Variants in ADAM10 observed in about 807,000 individuals in gnomAD.
ADAM10 encodes the protein ADAM metallopeptidase domain 10, also known as disintegrin and metalloproteinase domain-containing protein 10.
In ADAM10, 17 loss-of-function variants were observed where a neutral mutation model predicts 90.1. The observed-to-expected ratio is 0.19, with a 90% CI of 0.13 to 0.28. ADAM10 has a LOEUF of 0.28. Ranked by LOEUF, ADAM10 falls within the 10% of genes least tolerant of loss-of-function variation. The pLI is 1.00. For missense variants in ADAM10, 610 were observed against 914.3 expected, an observed-to-expected ratio of 0.67 and a Z score of 4.29; for synonymous variants, 310 against 298.6, an observed-to-expected ratio of 1.04 and a Z score of -0.40.
In ADAM10 at chr15:58,643,850, A is replaced by G. The variant is rs777157534; in HGVS notation, c.828+36T>C. The G allele has an allele frequency of 3.5e-6, 5 of 1,448,330 alleles. No individual in the cohort carries two copies. In the East Asian group the frequency reaches 1.1e-4, roughly 33 times the overall value. The allele number at this position is 1,448,330 out of a possible 1,614,324, so 89.7% of individuals were successfully genotyped here. ...GTGTAAACATAGTCTGGACTGTTTC[A>G]CTTTTTAAGTGTTTTTAACTATTTA... is the stretch of plus-strand genomic sequence containing the variant. On this transcript the variant is annotated intron_variant, in intron 7 of 15. Coordinates refer to ENST00000260408, the MANE Select transcript of ADAM10 (RefSeq NM_001110.4).
Position 58,749,627 on chromosome 15 carries a change from C to A in ADAM10, c.-93G>T. On this transcript the variant is annotated 5_prime_UTR_variant, in exon 1 of 16. Transcript: ENST00000260408. ...GAAGCTGAAGGGGCTTGGTCCGGAG[C>A]CTCCACGGGAAGCCGGGACCTCCCC... 6.5e-7 allele frequency: 1 copy of A among 1,536,380 alleles called. No individual in the cohort carries two copies. Among genetic ancestry groups the A allele is most frequent in the Non-Finnish European group, 8.8e-7 (1 of 1,137,986 alleles).
chr15:58,652,815 AT>A (rs35998429), intron 5 of ADAM10, among the ~76,000 whole-genome samples: 42,964 of 152,050 alleles, frequency 0.28, 8,697 homozygotes, highest in African/African-American at 0.57. Context: ...GCCTTTTGTA[AT>A]TATGGACATT....
chr15:58,721,930 A>C (rs1436676042), intron 1 of ADAM10, among the ~76,000 whole-genome samples: 3 of 152,086 alleles, frequency 2.0e-5, no homozygotes, highest in African/African-American at 7.2e-5. Context: ...CGGGAGGCTG[A>C]GGCAGGAGAA....
chr15:58,729,382 T>C (rs1899147846), intron 1 of ADAM10, among the ~76,000 whole-genome samples: 1 of 152,166 alleles, frequency 6.6e-6, no homozygotes, highest in Non-Finnish European at 1.5e-5. Context: ...TCTTGTTAAT[T>C]CAAACTGTTT....
chr15:58,609,492 G>T (rs1309210544), intron 14 of ADAM10: 1 of 151,942 alleles, frequency 6.6e-6, no homozygotes, highest in Non-Finnish European at 1.5e-5. Flanking sequence ...GTGCTTTAAG[G>T]CATCCATAGT....
chr15:58,725,609 C>T (rs1299197769), intron 1 of ADAM10, among the ~76,000 whole-genome samples: 3 of 150,858 alleles, frequency 2.0e-5, no homozygotes, highest in Non-Finnish European at 3.0e-5. Flanking sequence ...AAGCTAATGA[C>T]TAAAAACTAG....
At chr15:58,694,091 G>T (rs1250966990) in intron 2 of ADAM10, among the ~76,000 whole-genome samples, 1 of 152,184 alleles carries the variant, frequency 6.6e-6, no homozygotes, top group Non-Finnish European at 1.5e-5. Flanking sequence ...ACACACTGCT[G>T]ATGGGAATGG....
Position 58,591,157 on chromosome 15 carries a change from G to C in ADAM10, c.*6390C>G, listed in dbSNP as rs1347736857. 2 of 152,158 alleles carry C rather than the reference G, an allele frequency of 1.3e-5. No individual in the cohort carries two copies. The highest frequency in any genetic ancestry group is 2.9e-5 in the Non-Finnish European group (2 of 68,040). The allele number at this position is 152,158 out of a possible 1,614,324, so 9.4% of individuals were successfully genotyped here. A position where few individuals can be genotyped will look rare whatever the true frequency, so the allele number is the denominator to read the frequency against. ...GCCCTTCAACAGTGAGAGAGAGAGA[G>C]AGAGACAGAGCAAACAGGGACCCAA... is the stretch of plus-strand genomic sequence containing the variant. On this transcript the variant is annotated 3_prime_UTR_variant, in exon 16 of 16. Transcript: ENST00000260408.
At chr15:58,661,683 G>T (rs1405483926) in intron 5 of ADAM10, among the ~76,000 whole-genome samples, 2 of 152,012 alleles carry the variant, frequency 1.3e-5, no homozygotes, top group Non-Finnish European at 2.9e-5. Flanking sequence ...ACCATGAATT[G>T]AAATTTTTCC....
At chr15:58,689,068 C>T (rs768410067) in intron 2 of ADAM10, among the ~76,000 whole-genome samples, 2 of 151,818 alleles carry the variant, frequency 1.3e-5, no homozygotes, top group African/African-American at 4.8e-5. Context: ...AAGAAAGATA[C>T]ACACAAAGAA....
chr15:58,612,122 G>A (rs374530640), intron 11 of ADAM10, 131 bp from the exon 12 acceptor site: 25 of 930,316 alleles, frequency 2.7e-5, no homozygotes, highest in South Asian at 1.6e-4. Context: ...TCACTTAAAT[G>A]ATAAGTATGT....
At chr15:58,747,267 T>C (rs1040033796) in intron 1 of ADAM10, 2 of 152,246 alleles carry the variant, frequency 1.3e-5, no homozygotes, top group Non-Finnish European at 2.9e-5. Context: ...TTCTAAACAC[T>C]TTAATTATTC....
chr15:58,621,408 T>C (rs764693343), intron 11 of ADAM10, 63 bp downstream of exon 11: 89 of 1,593,554 alleles, frequency 5.6e-5, no homozygotes, highest in South Asian at 9.9e-5. Flanking sequence ...AGTTTTAAAT[T>C]TGTCATAACT....
At chr15:58,698,850 A>G (rs1898052286) in intron 2 of ADAM10, among the ~76,000 whole-genome samples, 1 of 152,206 alleles carries the variant, frequency 6.6e-6, no homozygotes, top group African/African-American at 2.4e-5. Flanking sequence ...AGGCAAAGAA[A>G]AAACAAAAGG....
intron 2 of ADAM10, among the ~76,000 whole-genome samples, chr15:58,712,883 G>A (rs1415933480): frequency 2.0e-5 from 3 of 151,848 alleles, no homozygotes; most frequent in African/African-American, 4.8e-5. Flanking sequence ...ACAAGAGAAG[G>A]GAAATTACAA....
intron 10 of ADAM10, among the ~76,000 whole-genome samples, chr15:58,625,517 A>G (rs939282212): frequency 1.3e-5 from 2 of 152,240 alleles, no homozygotes; most frequent in Admixed American, 6.5e-5. Context: ...AATGGTTGTG[A>G]ACATGCAGAG....
At position 58,623,653 on chromosome 15, in the gene ADAM10, G is replaced by A. The variant is rs144848835; in HGVS notation, c.1361-2032C>T. On this transcript the variant is annotated intron_variant, in intron 10 of 15. Coordinates refer to ENST00000260408, the MANE Select transcript of ADAM10 (RefSeq NM_001110.4). ...CAGCCATAAAAAGGAATGAGATCAC[G>A]TCCTTTGCAGGGACATGGATGAAGC... Among the ~76,000 whole-genome samples, 84 of 152,252 alleles carry A rather than the reference G, an allele frequency of 5.5e-4. No individual in the cohort carries two copies. In the East Asian group the frequency reaches 0.01, roughly 18 times the overall value.
At chr15:58,737,733 C>T (rs776632475) in intron 1 of ADAM10, among the ~76,000 whole-genome samples, 1 of 152,104 alleles carries the variant, frequency 6.6e-6, no homozygotes, top group Non-Finnish European at 1.5e-5. Flanking sequence ...TCCCAAGTAC[C>T]CTTCTAAGCA....
intron 2 of ADAM10, 124 bp from the exon 3 acceptor site, chr15:58,682,438 T>TA (rs2039899773): frequency 7.1e-7 from 1 of 1,416,248 alleles, no homozygotes; most frequent in African/African-American, 1.4e-5. Flanking sequence ...ATTTGTGAAA[T>TA]ACGCTGACCA....
Sources: allele counts gnomAD v4.1 joint callset (sites outside exome capture counted in the v4.1 genomes callset), GRCh38; gene constraint gnomAD v4.1.1; transcripts MANE v1.5; gene names NCBI Gene and HGNC (gene_info 2026-07-23, HGNC 2026-07-21).